Variants in TSC22D1 observed in about 807,000 individuals in gnomAD.
TSC22D1 encodes the protein TSC22 domain family protein 1.
TSC22D1 carries 9 observed loss-of-function variants against 74.2 expected under a neutral mutation model. The observed-to-expected ratio is 0.12, with a 90% CI of 0.07 to 0.21. The LOEUF is 0.21. Among genes scored for constraint, TSC22D1 ranks in the 10% least tolerant of loss-of-function variants. The probability of loss-of-function intolerance (pLI) is 1.00; values close to 1 mark genes in which losing one functional copy is unlikely to be tolerated. For missense variants in TSC22D1, 1,427 were observed against 1,304.7 expected, an observed-to-expected ratio of 1.09 and a Z score of -1.44; for synonymous variants, 586 against 492.5, an observed-to-expected ratio of 1.19 and a Z score of -2.51.
chr13:44,510,224 A>C (rs1293253516), intron 1 of TSC22D1, among the ~76,000 whole-genome samples: 1 of 151,616 alleles, frequency 6.6e-6, no homozygotes, highest in Admixed American at 6.6e-5. Context: ...TCTACTAAAA[A>C]AAAAAAAAAA....
chr13:44,518,272 T>C (rs988828846), intron 1 of TSC22D1, among the ~76,000 whole-genome samples: 1 of 151,996 alleles, frequency 6.6e-6, no homozygotes, highest in Non-Finnish European at 1.5e-5. Flanking sequence ...AAAATAGAGG[T>C]AAACAAACGA....
At chr13:44,520,626 T>G (rs1035444066) in intron 1 of TSC22D1, among the ~76,000 whole-genome samples, 1 of 152,086 alleles carries the variant, frequency 6.6e-6, no homozygotes, top group African/African-American at 2.4e-5. Context: ...AAAGAAGTAA[T>G]TTTTTAAAAA....
chr13:44,518,988 T>G (rs1286171769), intron 1 of TSC22D1, among the ~76,000 whole-genome samples: 1 of 152,216 alleles, frequency 6.6e-6, no homozygotes, highest in Admixed American at 6.5e-5. Flanking sequence ...TTTTTCAGTT[T>G]TGAAAGGCCT....
intron 1 of TSC22D1, among the ~76,000 whole-genome samples, chr13:44,529,354 C>T (rs1471417042): frequency 1.3e-5 from 2 of 152,016 alleles, no homozygotes; most frequent in East Asian, 1.9e-4. Context: ...AGAAAAAGCA[C>T]ATGACAAAAA....
chr13:44,542,497 G>A (rs925123875), intron 1 of TSC22D1, among the ~76,000 whole-genome samples: 1 of 152,038 alleles, frequency 6.6e-6, no homozygotes, highest in Non-Finnish European at 1.5e-5. Flanking sequence ...CCAAATGTCC[G>A]AAGGTTAAGT....
chr13:44,499,756 T>G (rs1879138777), intron 1 of TSC22D1, among the ~76,000 whole-genome samples: 1 of 152,178 alleles, frequency 6.6e-6, no homozygotes, highest in African/African-American at 2.4e-5. Context: ...TTGGGATCAC[T>G]TTATTATTAT....
intron 1 of TSC22D1, among the ~76,000 whole-genome samples, chr13:44,445,718 T>A (rs1362963004): frequency 3.3e-5 from 5 of 152,062 alleles, no homozygotes. Flanking sequence ...GCAAAAGACA[T>A]GAACAGTCAC....
chr13:44,504,722 T>C (rs1879369683), intron 1 of TSC22D1, among the ~76,000 whole-genome samples: 1 of 152,104 alleles, frequency 6.6e-6, no homozygotes, highest in Non-Finnish European at 1.5e-5. Flanking sequence ...CCCCAAATGA[T>C]GTCAAATACT....
At chr13:44,491,612 C>A (rs763183722) in intron 1 of TSC22D1, among the ~76,000 whole-genome samples, 1 of 150,846 alleles carries the variant, frequency 6.6e-6, no homozygotes, top group Non-Finnish European at 1.5e-5. Flanking sequence ...AAAGAGCTTC[C>A]GTAAATAAGT....
At chr13:44,486,891 G>A (rs2137946304) in intron 1 of TSC22D1, among the ~76,000 whole-genome samples, 1 of 152,028 alleles carries the variant, frequency 6.6e-6, no homozygotes, top group East Asian at 1.9e-4. Flanking sequence ...CACTTAGAAT[G>A]AAAAAGAAAT....
chr13:44,548,467 A>G (rs945407395), intron 1 of TSC22D1, among the ~76,000 whole-genome samples: 2 of 152,254 alleles, frequency 1.3e-5, no homozygotes, highest in Admixed American at 6.5e-5. Flanking sequence ...TGTTTTAAGT[A>G]GAATTCTGAA....
chr13:44,532,627 C>A (rs1411501680), intron 1 of TSC22D1, among the ~76,000 whole-genome samples: 1 of 152,144 alleles, frequency 6.6e-6, no homozygotes, highest in East Asian at 1.9e-4. Context: ...GCGCACGCCA[C>A]CATGCCCGGC....
chr13:44,560,528 T>C (rs1882969254), intron 1 of TSC22D1, among the ~76,000 whole-genome samples: 1 of 152,208 alleles, frequency 6.6e-6, no homozygotes, highest in African/African-American at 2.4e-5. Context: ...TATGTAAAGG[T>C]CTAGCTTTTA....
chr13:44,437,158 G>C, intron 1 of TSC22D1: 3 of 985,554 alleles, frequency 3.0e-6, no homozygotes, highest in Non-Finnish European at 3.6e-6. Context: ...TACTATGGGG[G>C]CCCCCACACG....
At chr13:44,511,931 T>G (rs1325516487) in intron 1 of TSC22D1, among the ~76,000 whole-genome samples, 2 of 152,148 alleles carry the variant, frequency 1.3e-5, no homozygotes, top group African/African-American at 4.8e-5. Context: ...TTCCATCCCC[T>G]TTAAATGCCA....
chr13:44,505,632 C>T (rs1240482858), intron 1 of TSC22D1, among the ~76,000 whole-genome samples: 1 of 152,196 alleles, frequency 6.6e-6, no homozygotes, highest in African/African-American at 2.4e-5. Flanking sequence ...AAGGAAACAA[C>T]ATATTCTGCT....
intron 1 of TSC22D1, among the ~76,000 whole-genome samples, chr13:44,555,675 C>G (rs1208162230): frequency 6.6e-6 from 1 of 151,802 alleles, no homozygotes; most frequent in Non-Finnish European, 1.5e-5. Flanking sequence ...ACTTTGAGAA[C>G]ATTTTAGCCA....
At position 44,573,525 on chromosome 13, in the gene TSC22D1, G is replaced by C; in HGVS notation, c.2550C>G (p.Asn850Lys). Residue 850 changes from asparagine to lysine, a missense_variant, in exon 1 of 3, where the codon AAC (asparagine) becomes AAG (lysine). Transcript: ENST00000458659. The stretch of plus-strand genomic sequence containing the variant: ...GTGCTATATTTTGTGGTGGAACCAA[G>C]TTTGTTGGGGCAGAAGGCATTCCAG... ...GPSGMPSAPT[N>K]LVPPQNIAQT... is the part of the protein sequence containing the mutation. 6.2e-7 allele frequency: 1 copy of C among 1,614,256 alleles called. No individual in the cohort carries two copies. The highest frequency in any genetic ancestry group is 1.3e-5 in the African/African-American group (1 of 75,062).
chr13:44,536,174 T>G (rs1881121846), intron 1 of TSC22D1, among the ~76,000 whole-genome samples: 2 of 151,932 alleles, frequency 1.3e-5, no homozygotes, highest in South Asian at 4.1e-4. Flanking sequence ...CTTTTAGAAA[T>G]TTGATTTCTT....
Sources: gnomAD v4.1 joint callset for allele counts (sites outside exome capture counted in the v4.1 genomes callset) on GRCh38, gnomAD v4.1.1 for gene constraint, MANE v1.5 for transcripts, NCBI Gene and HGNC (gene_info 2026-07-23, HGNC 2026-07-21) for gene names.